The following MCPH1 variants were observed in gnomAD, a reference collection of about 807,000 sequenced individuals.
The protein encoded by MCPH1 is microcephalin 1.
In MCPH1, 104 loss-of-function variants were observed where a neutral mutation model predicts 84.5. The observed-to-expected ratio is 1.23, with a 90% confidence interval of 1.05 to 1.45. The LOEUF is 1.45. Ranked by LOEUF, MCPH1 falls within the 40% of genes most tolerant of loss-of-function variation. The probability of loss-of-function intolerance (pLI) is 0.00; values close to 1 mark genes in which losing one functional copy is unlikely to be tolerated. For synonymous variants in MCPH1, 514 were observed against 366.8 expected (o/e 1.40, Z -4.58); for missense variants, 1,498 against 1,005.7 (o/e 1.49, Z -6.62).
chr8:6,630,781 TAAA>T (rs1235237864), intron 13 of MCPH1, among the ~76,000 whole-genome samples: 1 of 58,334 alleles, frequency 1.7e-5, no homozygotes. Flanking sequence ...AACTCTGTCC[TAAA>T]AAAAAAAAAC....
chr8:6,467,763 A>AT (rs1006178999), intron 9 of MCPH1, among the ~76,000 whole-genome samples: 8 of 151,776 alleles, frequency 5.3e-5, no homozygotes, highest in African/African-American at 1.9e-4. Flanking sequence ...TGCTCAGCTA[A>AT]TTTTTTTTGT....
chr8:6,467,299 A>G (rs1807100890), intron 9 of MCPH1, among the ~76,000 whole-genome samples: 1 of 152,158 alleles, frequency 6.6e-6, no homozygotes, highest in South Asian at 2.1e-4. Flanking sequence ...CTAATCAGTG[A>G]TTTTCAATTT....
chr8:6,636,711 G>C (rs1162875381), intron 13 of MCPH1, among the ~76,000 whole-genome samples: 2 of 152,160 alleles, frequency 1.3e-5, no homozygotes, highest in African/African-American at 2.4e-5. Context: ...ATGTGTATAA[G>C]ATGCAGATGA....
At chr8:6,558,429 A>G (rs575866449) in intron 12 of MCPH1, among the ~76,000 whole-genome samples, 3 of 152,218 alleles carry the variant, frequency 2.0e-5, no homozygotes, top group South Asian at 2.1e-4. Flanking sequence ...TTCAATTTTA[A>G]ATGTACAAAA....
chr8:6,473,813 A>G, intron 9 of MCPH1: 1 of 1,212,120 alleles, frequency 8.3e-7, no homozygotes. Flanking sequence ...TATCAGCAAG[A>G]GTGATTGTAA....
chr8:6,620,278 AG>A (rs1281659118), intron 12 of MCPH1: 2 of 152,146 alleles, frequency 1.3e-5, no homozygotes, highest in African/African-American at 4.8e-5. Context: ...AGCATATATA[AG>A]TGTATCGGAT....
At position 6,645,588 on chromosome 8, in the gene MCPH1, T is replaced by C. The variant is rs558877636; in HGVS notation, c.*2539T>C. The C allele has an allele frequency of 1.3e-5, 1 of 79,568 alleles. No individual in the cohort carries two copies. Among genetic ancestry groups the C allele is most frequent in the East Asian group, 3.5e-4 (1 of 2,860 alleles). The allele number at this position is 79,568 out of a possible 1,614,324, so 4.9% of individuals were successfully genotyped here. A position where few individuals can be genotyped will look rare whatever the true frequency, so the allele number is the denominator to read the frequency against. ...TCTCAAGAATACAAGACACTATGTA[T>C]AGAAATTGTAAGGAATGCAAAAAAA... On this transcript the variant is annotated 3_prime_UTR_variant, in exon 14 of 14. Coordinates refer to ENST00000344683, the MANE Select transcript of MCPH1 (RefSeq NM_024596.5).
At chr8:6,480,589 A>G in intron 10 of MCPH1, 125 bp from the exon 11 acceptor site, 1 of 1,005,754 alleles carries the variant, frequency 9.9e-7, no homozygotes, top group Non-Finnish European at 1.6e-6. Context: ...TATACGTACC[A>G]TAACCAAAAT....
intron 12 of MCPH1, chr8:6,509,091 T>G: frequency 6.2e-7 from 1 of 1,604,296 alleles, no homozygotes; most frequent in Non-Finnish European, 8.5e-7. Flanking sequence ...AAAAAACACA[T>G]TGGCTAGGGT....
At position 6,515,154 on chromosome 8, in the gene MCPH1, C is replaced by G. The variant is rs528259103; in HGVS notation, c.2214+15225C>G. The stretch of plus-strand genomic sequence containing the variant: ...TTGGCCCCGAACCCCACATCTCCAT[C>G]CTGTAGAAAACCATTGACTTGTGTT... On this transcript the variant is annotated intron_variant, in intron 12 of 13. Coordinates refer to ENST00000344683, the MANE Select transcript of MCPH1 (RefSeq NM_024596.5). Among the ~76,000 whole-genome samples, 6 of 152,212 alleles carry G rather than the reference C, an allele frequency of 3.9e-5. No individual in the cohort carries two copies. The South Asian group carries it at 1.2e-3, about 32-fold the overall frequency.
rs546439847 is a variant in MCPH1 at position 6,643,940 on chromosome 8, G to A, written c.*891G>A. On this transcript the variant is annotated 3_prime_UTR_variant, in exon 14 of 14. Transcript: ENST00000344683. ...CGTCCTCGAGATGAAATTGGCAGTT[G>A]GGGCTGATTCACAGAAACACCGATT... is the stretch of plus-strand genomic sequence containing the variant. 4 of 152,248 alleles carry A rather than the reference G, an allele frequency of 2.6e-5. No individual in the cohort carries two copies. Among genetic ancestry groups the A allele is most frequent in the Non-Finnish European group, 5.9e-5 (4 of 68,132 alleles). 9.4% of individuals were successfully genotyped at this position (152,248 alleles called of 1,614,324 possible).
At chr8:6,591,006 A>T (rs1489240167) in intron 12 of MCPH1, among the ~76,000 whole-genome samples, 4 of 152,252 alleles carry the variant, frequency 2.6e-5, no homozygotes, top group Non-Finnish European at 5.9e-5. Flanking sequence ...GGCTCAAGTA[A>T]TTCTGCCTCA....
At chr8:6,513,527 G>A (rs112058028) in intron 12 of MCPH1, 33,410 of 530,344 alleles carry the variant, frequency 0.063, 1,953 homozygotes, top group African/African-American at 0.21. Context: ...TAGAGACAGG[G>A]TTTCACTTTG....
At chr8:6,565,035 A>G (rs749429679) in intron 12 of MCPH1, among the ~76,000 whole-genome samples, 34 of 152,200 alleles carry the variant, frequency 2.2e-4, no homozygotes, top group Admixed American at 1.8e-3. Flanking sequence ...GGAACCAATT[A>G]AAGATGCTAT....
At chr8:6,454,480 G>A (rs1053060685) in intron 8 of MCPH1, among the ~76,000 whole-genome samples, 4 of 152,198 alleles carry the variant, frequency 2.6e-5, no homozygotes, top group Non-Finnish European at 5.9e-5. Context: ...AGGAGGAAGG[G>A]TGAGAGTAAG....
chr8:6,414,150 C>T (rs1012242458), intron 2 of MCPH1, among the ~76,000 whole-genome samples: 32 of 152,098 alleles, frequency 2.1e-4, no homozygotes, highest in African/African-American at 7.2e-4. Context: ...AGATTACAGG[C>T]GTCCGCCACC....
At chr8:6,497,360 A>C (rs1047701632) in intron 11 of MCPH1, among the ~76,000 whole-genome samples, 2 of 152,058 alleles carry the variant, frequency 1.3e-5, no homozygotes, top group African/African-American at 2.4e-5. Flanking sequence ...AAAATTAACC[A>C]GGCATTGTGA....
intron 12 of MCPH1, among the ~76,000 whole-genome samples, chr8:6,574,198 G>A (rs1458626137): frequency 6.6e-6 from 1 of 152,184 alleles, no homozygotes; most frequent in Non-Finnish European, 1.5e-5. Flanking sequence ...CTAAAACAAT[G>A]GGAATTTATT....
At chr8:6,639,658 G>C (rs1337704436) in intron 13 of MCPH1, among the ~76,000 whole-genome samples, 1 of 147,722 alleles carries the variant, frequency 6.8e-6, no homozygotes, top group Non-Finnish European at 1.5e-5. Context: ...TCAAGATCCT[G>C]TCTCTTTAAA....
Sources: allele counts gnomAD v4.1 joint callset (sites outside exome capture counted in the v4.1 genomes callset), GRCh38; gene constraint gnomAD v4.1.1; transcripts MANE v1.5; gene names NCBI Gene and HGNC (gene_info 2026-07-23, HGNC 2026-07-21).